Variants in CABIN1 observed in about 807,000 individuals in gnomAD.
The protein encoded by CABIN1 is calcineurin binding protein 1.
CABIN1 carries 133 observed loss-of-function variants against 227.7 expected under a neutral mutation model. That is an observed-to-expected ratio of 0.58 (90% confidence interval 0.51 to 0.67). The LOEUF is 0.67. CABIN1 is among the 30% of genes least tolerant of loss of function. CABIN1 has a pLI of 0.00. For missense variants in CABIN1, 2,408 were observed against 2,852.5 expected, an observed-to-expected ratio of 0.84 and a Z score of 3.55; for synonymous variants, 1,086 against 1,155.1, an observed-to-expected ratio of 0.94 and a Z score of 1.21.
intron 18 of CABIN1, 81 bp downstream of exon 18, chr22:24,072,591 C>A: frequency 6.5e-7 from 1 of 1,531,546 alleles, no homozygotes; most frequent in Non-Finnish European, 9.0e-7. Flanking sequence ...GGTCCTGGAC[C>A]TTATCCAGAC....
intron 5 of CABIN1, 21 bp downstream of exon 5, chr22:24,041,294 A>G (rs777710331): frequency 6.2e-7 from 1 of 1,614,108 alleles, no homozygotes; most frequent in Admixed American, 1.7e-5. Context: ...GGCAGTGCTT[A>G]GCTACCTTGG....
chr22:24,032,103 A>C (rs1420182651), intron 1 of CABIN1, among the ~76,000 whole-genome samples: 1 of 152,168 alleles, frequency 6.6e-6, no homozygotes, highest in Non-Finnish European at 1.5e-5. Flanking sequence ...AACTCTCTTC[A>C]TCTTGAAAAG....
intron 29 of CABIN1, among the ~76,000 whole-genome samples, chr22:24,149,523 TCAGGGC>T (rs893378491): frequency 1.3e-5 from 2 of 152,210 alleles, no homozygotes; most frequent in Non-Finnish European, 2.9e-5. Context: ...GTGAGATGGA[TCAGGGC>T]CAATTGAGAA....
At chr22:24,084,088 G>A (rs1230940853) in intron 20 of CABIN1, among the ~76,000 whole-genome samples, 1 of 152,170 alleles carries the variant, frequency 6.6e-6, no homozygotes, top group African/African-American at 2.4e-5. Context: ...GTCTGTGGCT[G>A]GCCCAAGGTC....
At chr22:24,126,826 C>T (rs540564535) in intron 28 of CABIN1, among the ~76,000 whole-genome samples, 2 of 152,148 alleles carry the variant, frequency 1.3e-5, no homozygotes, top group South Asian at 4.2e-4. Context: ...TGGCAAAACC[C>T]CGTCTCAACT....
chr22:24,040,296 C>T (rs1019846682), intron 4 of CABIN1, among the ~76,000 whole-genome samples: 1 of 152,146 alleles, frequency 6.6e-6, no homozygotes, highest in African/African-American at 2.4e-5. Context: ...TCCTTAAGAC[C>T]TCCAAGGTAG....
Position 24,053,530 on chromosome 22 carries a change from A to C in CABIN1, c.807-1343A>C, listed in dbSNP as rs371929830. Reference sequence around the variant, plus strand: ...GTAATTAGAATTACAGACATGCGCCACCACCCCTGGCTAATTTTTGGTATT... The same window carrying C: ...GTAATTAGAATTACAGACATGCGCCCCCACCCCTGGCTAATTTTTGGTATT... On this transcript the variant is annotated intron_variant, in intron 8 of 36. Transcript: ENST00000263119. Among the ~76,000 whole-genome samples the C allele has an allele frequency of 5.9e-4, 90 of 151,662 alleles. 1 individual carries two copies. In the South Asian group the frequency reaches 0.018, roughly 30 times the overall value.
intron 19 of CABIN1, among the ~76,000 whole-genome samples, chr22:24,081,258 G>A (rs1287785639): frequency 6.6e-6 from 1 of 152,184 alleles, no homozygotes; most frequent in African/African-American, 2.4e-5. Context: ...GGCCCATGGG[G>A]TGGTTTGCCA....
At chr22:24,028,706 C>G (rs993919117) in intron 1 of CABIN1, among the ~76,000 whole-genome samples, 6 of 152,096 alleles carry the variant, frequency 3.9e-5, no homozygotes, top group Admixed American at 3.3e-4. Flanking sequence ...ACAGGAAGCA[C>G]TTTGTTTTCT....
At chr22:24,084,853 T>C in intron 21 of CABIN1, 68 bp downstream of exon 21, 1 of 1,571,226 alleles carries the variant, frequency 6.4e-7, no homozygotes, top group Admixed American at 1.7e-5. Context: ...GCCACTGCTG[T>C]ATATGCTCCT....
At chr22:24,091,454 T>C in intron 23 of CABIN1, 129 bp from the exon 24 acceptor site, 1 of 1,181,572 alleles carries the variant, frequency 8.5e-7, no homozygotes, top group Non-Finnish European at 1.2e-6. Flanking sequence ...GGTGAGGGCA[T>C]TTCTGTGTCT....
intron 24 of CABIN1, among the ~76,000 whole-genome samples, chr22:24,093,416 G>T (rs2041680520): frequency 1.3e-5 from 2 of 152,120 alleles, no homozygotes; most frequent in African/African-American, 4.8e-5. Context: ...GGTGGTGGAG[G>T]CCAGTAGTCC....
At chr22:24,069,901 G>A (rs917090287) in intron 16 of CABIN1, among the ~76,000 whole-genome samples, 1 of 152,148 alleles carries the variant, frequency 6.6e-6, no homozygotes, top group South Asian at 2.1e-4. Flanking sequence ...CCAGGCCTGG[G>A]CTGTGGCGAG....
chr22:24,043,307 CTTTTT>C (rs745547509), intron 6 of CABIN1, among the ~76,000 whole-genome samples: 5 of 71,126 alleles, frequency 7.0e-5, no homozygotes, highest in South Asian at 4.4e-4. Flanking sequence ...AATGATTTTA[CTTTTT>C]TTTTTTTTTT....
chr22:24,049,261 T>C, intron 7 of CABIN1, 41 bp downstream of exon 7: 8 of 1,607,200 alleles, frequency 5.0e-6, no homozygotes, highest in Non-Finnish European at 6.8e-6. Context: ...GCACGCTTAC[T>C]GTGTGGCTGG....
In CABIN1 at chr22:24,167,109, C is replaced by A. The variant is rs900364615; in HGVS notation, c.5478C>A (p.Thr1826=). ...AQPAPAPAPA[T]TTGTRAGGHP... ...CAGCCCCCGCCCCCGCCCCCGCCAC[C>A]ACCACAGGGACCAGGGCAGGGGGCC... Residue 1826 remains threonine, a synonymous_variant, in exon 32 of 37, where the codon ACC becomes ACA. Transcript: ENST00000263119. 6.4e-7 allele frequency: 1 copy of A among 1,559,832 alleles called. No individual in the cohort carries two copies.
At chr22:24,017,690 A>G (rs2035405651) in intron 1 of CABIN1, among the ~76,000 whole-genome samples, 1 of 151,982 alleles carries the variant, frequency 6.6e-6, no homozygotes, top group East Asian at 1.9e-4. Flanking sequence ...TGTCAGGATT[A>G]CCTTCCTTTT....
intron 26 of CABIN1, among the ~76,000 whole-genome samples, chr22:24,112,996 C>T (rs940260370): frequency 6.6e-6 from 1 of 152,166 alleles, no homozygotes; most frequent in Non-Finnish European, 1.5e-5. Context: ...TGTGAAGGTC[C>T]GAAGAAGGCA....
chr22:24,165,565 C>A lies in CABIN1; in HGVS notation c.4946C>A (p.Ala1649Glu). The A allele has an allele frequency of 6.2e-7, 1 of 1,613,192 alleles. No individual in the cohort carries two copies. Among genetic ancestry groups the A allele is most frequent in the South Asian group, 1.1e-5 (1 of 91,054 alleles). The change falls in exon 31 of 37, where the codon GCG becomes GAG. Residue 1649 changes from alanine to glutamate, a missense_variant. Transcript: ENST00000263119. ...YLRDADRQVL[A>E]QRAFILTVKV... ...CGAGATGCTGACCGCCAGGTCCTGG[C>A]GCAGCGGGCCTTCATCCTCACTGTG...
Sources: gnomAD v4.1 joint callset for allele counts (sites outside exome capture counted in the v4.1 genomes callset) on GRCh38, gnomAD v4.1.1 for gene constraint, MANE v1.5 for transcripts, NCBI Gene and HGNC (gene_info 2026-07-23, HGNC 2026-07-21) for gene names.